Variants in EFCAB5 observed in about 807,000 individuals in gnomAD.
EFCAB5 encodes EF-hand calcium-binding domain-containing protein 5.
EFCAB5 carries 131 observed loss-of-function variants against 167.9 expected under a neutral mutation model. The observed-to-expected ratio is 0.78, with a 90% CI of 0.68 to 0.90. The LOEUF (loss-of-function observed/expected upper bound fraction) is 0.90. Ranked by LOEUF, EFCAB5 falls within the 40% of genes least tolerant of loss-of-function variation. The probability of loss-of-function intolerance (pLI) is 0.00; values close to 1 mark genes in which losing one functional copy is unlikely to be tolerated. For synonymous variants in EFCAB5, 574 were observed against 602.8 expected (o/e 0.95, Z 0.70); for missense variants, 1,663 against 1,745.2 (o/e 0.95, Z 0.84).
intron 10 of EFCAB5, among the ~76,000 whole-genome samples, chr17:30,054,487 ATTTTC>A (rs1358492234): frequency 6.6e-6 from 1 of 152,146 alleles, no homozygotes; most frequent in Admixed American, 6.5e-5. Context: ...CACTTTAAAA[ATTTTC>A]TTTTATTTCA....
At chr17:30,039,046 G>A (rs77751120) in intron 8 of EFCAB5, among the ~76,000 whole-genome samples, 2 of 152,078 alleles carry the variant, frequency 1.3e-5, no homozygotes, top group African/African-American at 2.4e-5. Flanking sequence ...CACATACTGC[G>A]GTGCCGAGTC....
chr17:30,105,943 T>C (rs1567781772), intron 22 of EFCAB5, among the ~76,000 whole-genome samples: 1 of 152,204 alleles, frequency 6.6e-6, no homozygotes, highest in South Asian at 2.1e-4. Context: ...TATCCCATAT[T>C]ATACCTTTTG....
At chr17:30,064,960 A>G (rs2070521934) in intron 14 of EFCAB5, among the ~76,000 whole-genome samples, 1 of 152,378 alleles carries the variant, frequency 6.6e-6, no homozygotes, top group Admixed American at 6.5e-5. Context: ...TAGTATACCC[A>G]GAAAAACTAT....
chr17:29,967,453 G>A (rs1165614572), intron 3 of EFCAB5, among the ~76,000 whole-genome samples: 2 of 152,142 alleles, frequency 1.3e-5, no homozygotes, highest in African/African-American at 4.8e-5. Flanking sequence ...TACACAAAAA[G>A]GTCAGTCTTT....
chr17:30,068,917 G>A, intron 14 of EFCAB5: 1 of 1,544,748 alleles, frequency 6.5e-7, no homozygotes, highest in Non-Finnish European at 8.9e-7. Flanking sequence ...AGACCAAATA[G>A]ACCAGGATGT....
At chr17:29,943,749 G>A (rs2031857140) in intron 3 of EFCAB5, 100 bp downstream of exon 3, 2 of 1,009,600 alleles carry the variant, frequency 2.0e-6, no homozygotes, top group Non-Finnish European at 2.8e-6. Context: ...CGAGGCGGGT[G>A]GATCATCAGA....
intron 5 of EFCAB5, 21 bp downstream of exon 5, chr17:29,993,342 T>C (rs1321246889): frequency 1.9e-6 from 3 of 1,603,212 alleles, no homozygotes; most frequent in East Asian, 2.2e-5. Flanking sequence ...TGGGGGTATA[T>C]GTGAAAGGTA....
At chr17:30,014,474 C>G (rs575829674) in intron 7 of EFCAB5, among the ~76,000 whole-genome samples, 12 of 152,272 alleles carry the variant, frequency 7.9e-5, no homozygotes, top group African/African-American at 2.9e-4. Flanking sequence ...CTTTATGAAT[C>G]TGGGTGTTCC....
intron 4 of EFCAB5, among the ~76,000 whole-genome samples, chr17:29,981,446 C>T (rs2068173437): frequency 6.6e-6 from 1 of 152,208 alleles, no homozygotes; most frequent in African/African-American, 2.4e-5. Flanking sequence ...AGTTCAGGCT[C>T]AGACACCATT....
At chr17:30,078,873 T>C (rs1314227753) in intron 15 of EFCAB5, among the ~76,000 whole-genome samples, 1 of 152,232 alleles carries the variant, frequency 6.6e-6, no homozygotes, top group Non-Finnish European at 1.5e-5. Flanking sequence ...TTGCATGGTA[T>C]TTTGGGAGTC....
intron 22 of EFCAB5, among the ~76,000 whole-genome samples, chr17:30,097,749 G>A (rs1033956657): frequency 6.6e-6 from 1 of 151,612 alleles, no homozygotes; most frequent in African/African-American, 2.4e-5. Flanking sequence ...CATTTTTTTT[G>A]TTTTTCCTGA....
chr17:30,069,156 G>C, intron 14 of EFCAB5: 2 of 1,543,088 alleles, frequency 1.3e-6, no homozygotes, highest in Non-Finnish European at 1.8e-6. Flanking sequence ...CAAATGCAAA[G>C]ACAAGAGAAT....
upstream of EFCAB5, among the ~76,000 whole-genome samples, chr17:29,941,047 A>T (rs2067291856): frequency 6.6e-6 from 1 of 152,112 alleles, no homozygotes. Flanking sequence ...AAAAAAAAAA[A>T]AGAAAAGAAA....
At chr17:30,034,419 C>T (rs920893482) in intron 8 of EFCAB5, 34 bp downstream of exon 8, 19 of 1,551,180 alleles carry the variant, frequency 1.2e-5, no homozygotes, top group Non-Finnish European at 1.6e-5. Flanking sequence ...TGCTTCTTGG[C>T]CAGACACTGT....
chr17:29,968,697 T>C (rs1056468464), intron 3 of EFCAB5, 94 bp from the exon 4 acceptor site: 42 of 1,022,290 alleles, frequency 4.1e-5, no homozygotes, highest in Non-Finnish European at 5.1e-5. Flanking sequence ...ACTGTGTAAA[T>C]GGATATAAAA....
intron 7 of EFCAB5, among the ~76,000 whole-genome samples, chr17:30,028,111 C>A (rs559080749): frequency 6.6e-6 from 1 of 152,192 alleles, no homozygotes; most frequent in Non-Finnish European, 1.5e-5. Flanking sequence ...TGCCTGGATT[C>A]TCTTTTTTGG....
chr17:29,954,363 G>A (rs1467917001), intron 3 of EFCAB5, among the ~76,000 whole-genome samples: 4 of 152,180 alleles, frequency 2.6e-5, no homozygotes, highest in African/African-American at 9.7e-5. Context: ...CTTGCTGTGT[G>A]CAGCCTTGGG....
At chr17:29,952,028 T>C (rs1423934474) in intron 3 of EFCAB5, among the ~76,000 whole-genome samples, 3 of 152,214 alleles carry the variant, frequency 2.0e-5, no homozygotes, top group Non-Finnish European at 1.5e-5. Flanking sequence ...AGTGTAAATT[T>C]AGTGCTCACA....
chr17:29,954,789 G>A (rs1393701274), intron 3 of EFCAB5, among the ~76,000 whole-genome samples: 2 of 152,228 alleles, frequency 1.3e-5, no homozygotes, highest in Non-Finnish European at 2.9e-5. Context: ...GACGTTCAAT[G>A]CTAGCCTGTG....
Sources: allele counts gnomAD v4.1 joint callset (sites outside exome capture counted in the v4.1 genomes callset), GRCh38; gene constraint gnomAD v4.1.1; transcripts MANE v1.5; gene names NCBI Gene and HGNC (gene_info 2026-07-23, HGNC 2026-07-21).